Variants in ABR observed in about 807,000 individuals in gnomAD.
ABR encodes the protein active breakpoint cluster region-related protein.
In ABR, 35 loss-of-function variants were observed where a neutral mutation model predicts 107.2. The ratio of observed to expected loss-of-function variants is 0.33; its 90% CI spans 0.25 to 0.43. The LOEUF (loss-of-function observed/expected upper bound fraction) is 0.43, where lower values mean the gene tolerates loss of function less well. ABR is among the 20% of genes least tolerant of loss of function. ABR has a pLI of 1.00. For missense variants in ABR, 815 were observed against 1,115.2 expected (o/e 0.73, Z 3.83); for synonymous variants, 498 against 462.0 (o/e 1.08, Z -1.00).
chr17:1,193,909 T>C (rs980273564), intron 1 of ABR, among the ~76,000 whole-genome samples: 1 of 151,926 alleles, frequency 6.6e-6, no homozygotes, highest in Non-Finnish European at 1.5e-5. Context: ...TTAGCCAGGA[T>C]GGTTTTGATC....
chr17:1,106,424 C>A (rs2038250200), intron 2 of ABR, among the ~76,000 whole-genome samples: 1 of 34,876 alleles, frequency 2.9e-5, no homozygotes, highest in Admixed American at 2.5e-4. Flanking sequence ...CCTTGGCCTG[C>A]ACACACACAC....
chr17:1,106,521 C>T (rs1041600014), intron 2 of ABR, among the ~76,000 whole-genome samples: 1 of 141,974 alleles, frequency 7.0e-6, no homozygotes, highest in Non-Finnish European at 1.5e-5. Flanking sequence ...GTACTCTTCT[C>T]ACAGTCTTTT....
In ABR at chr17:1,004,939, C is replaced by T. The variant is rs1014931492; in HGVS notation, c.*1141G>A. The T allele has an allele frequency of 7.5e-6, 3 of 398,482 alleles. No individual in the cohort carries two copies. The highest frequency in any genetic ancestry group is 3.6e-5 in the East Asian group (1 of 28,082). 24.7% of individuals were successfully genotyped at this position (398,482 alleles called of 1,614,324 possible). A position where few individuals can be genotyped will look rare whatever the true frequency, so the allele number is the denominator to read the frequency against. On this transcript the variant is annotated 3_prime_UTR_variant, in exon 23 of 23. Coordinates refer to ENST00000302538, the MANE Select transcript of ABR (RefSeq NM_021962.5). ...AAGGCAAGAGTACCACGAGGTCCTGCGGTGCCAGGGAGCTCCTGGCTGCAG... is the reference window on the plus strand; with the variant it reads ...AAGGCAAGAGTACCACGAGGTCCTGTGGTGCCAGGGAGCTCCTGGCTGCAG...
In ABR at chr17:1,067,114, A is replaced by G. The variant is rs2151152550; in HGVS notation, c.1145T>C (p.Met382Thr). 1 of 1,613,758 alleles carries G rather than the reference A, an allele frequency of 6.2e-7. No homozygotes were observed. Among genetic ancestry groups the G allele is most frequent in the Non-Finnish European group, 8.5e-7 (1 of 1,179,954 alleles). The change falls in exon 10 of 23, where the codon ATG (methionine) becomes ACG (threonine). Residue 382 changes from methionine (M) to threonine (T), a missense_variant. Met to Thr is a moderately conservative substitution (Grantham distance 81). This residue lies in a region of ABR where 385 missense variants were observed against 596.9 expected (regional missense o/e 0.64). Transcript: ENST00000302538. ...TTCACTCTTGAGGGCAGAGATCTTCATCTTCATGTCCTCCAGCTCATGGTC... is the reference window on the plus strand; with the variant it reads ...TTCACTCTTGAGGGCAGAGATCTTCGTCTTCATGTCCTCCAGCTCATGGTC... ...FPDHELEDMKMKISALKSEIQ... is the reference protein window; with the variant it reads ...FPDHELEDMKTKISALKSEIQ...
chr17:1,199,487 G>A (rs183902723), intron 1 of ABR, among the ~76,000 whole-genome samples: 1 of 96,178 alleles, frequency 1.0e-5, no homozygotes, highest in East Asian at 2.1e-4. Context: ...TAGCTGGTGG[G>A]ATATTTTTGG....
At chr17:1,216,038 G>A (rs998958168) in intron 1 of ABR, among the ~76,000 whole-genome samples, 24 of 149,348 alleles carry the variant, frequency 1.6e-4, no homozygotes, top group Non-Finnish European at 3.4e-4. Context: ...CAAACACTGC[G>A]GAAGGCCGCA....
rs1360578350 is a variant in ABR, at chr17:1,117,560, C to T, written c.246+7623G>A. Among the ~76,000 whole-genome samples, 4 of 16,254 alleles carry T rather than the reference C, an allele frequency of 2.5e-4. 2 individuals carry two copies. The highest frequency in any genetic ancestry group is 9.9e-4 in the African/African-American group (4 of 4,050). The allele number at this position is 16,254 out of a possible 152,430, so 10.7% of individuals were successfully genotyped here. A position where few individuals can be genotyped will look rare whatever the true frequency, so the allele number is the denominator to read the frequency against. On this transcript the variant is annotated intron_variant, in intron 2 of 22. Coordinates refer to ENST00000302538, the MANE Select transcript of ABR (RefSeq NM_021962.5). ...ATCCCTGAACCCGAGTTCCTCCCAGCGTTATCCCTGAGCCCGAGTTCCTCC... is the reference window on the plus strand; with the variant it reads ...ATCCCTGAACCCGAGTTCCTCCCAGTGTTATCCCTGAGCCCGAGTTCCTCC...
intron 1 of ABR, among the ~76,000 whole-genome samples, chr17:1,195,277 A>C (rs78447617): frequency 0.19 from 21,841 of 112,798 alleles, 2,674 homozygotes; most frequent in East Asian, 0.47. Flanking sequence ...ACAGCACTCC[A>C]GCCTGGGCGA....
chr17:1,061,886 G>A (rs532324991), intron 10 of ABR, among the ~76,000 whole-genome samples: 2 of 152,174 alleles, frequency 1.3e-5, no homozygotes, highest in Non-Finnish European at 2.9e-5. Context: ...TGAGGAACAT[G>A]GAACAGAAGA....
chr17:1,141,865 T>A (rs1447534796), intron 1 of ABR, among the ~76,000 whole-genome samples: 1 of 151,772 alleles, frequency 6.6e-6, no homozygotes, highest in Non-Finnish European at 1.5e-5. Flanking sequence ...TTCAAGCAAT[T>A]CTCCTGCCTC....
At chr17:1,033,611 A>T (rs9910794) in intron 16 of ABR, among the ~76,000 whole-genome samples, 3 of 151,972 alleles carry the variant, frequency 2.0e-5, no homozygotes, top group African/African-American at 7.3e-5. Flanking sequence ...ACCGGGCCTC[A>T]GTCTTCACTG....
intron 10 of ABR, among the ~76,000 whole-genome samples, chr17:1,064,965 ACTG>A (rs775824109): frequency 4.1e-5 from 3 of 72,586 alleles, no homozygotes; most frequent in Non-Finnish European, 8.4e-5. Flanking sequence ...TCCTCTAGAC[ACTG>A]CTGTTACGTG....
chr17:1,012,814 G>A lies in ABR; in HGVS notation c.1852-17C>T. The A allele has an allele frequency of 6.4e-7, 1 of 1,554,738 alleles. No individual in the cohort carries two copies. The highest frequency in any genetic ancestry group is 8.7e-7 in the Non-Finnish European group (1 of 1,144,624). On this transcript the variant is annotated splice_polypyrimidine_tract_variant and intron_variant, in intron 17 of 22. Coordinates refer to ENST00000302538, the MANE Select transcript of ABR (RefSeq NM_021962.5). ...CACTTTGATCTGGTTGGGGGGTGAG[G>A]CAGGTAAAGATTCCCCAGGGTGTGA...
intron 10 of ABR, among the ~76,000 whole-genome samples, chr17:1,062,274 C>T (rs1597617709): frequency 4.7e-5 from 7 of 149,560 alleles, no homozygotes; most frequent in Non-Finnish European, 8.9e-5. Context: ...TTCCTCTAGA[C>T]ACTGTTGTTA....
chr17:1,103,455 C>T (rs572586980), intron 2 of ABR, among the ~76,000 whole-genome samples: 1 of 152,304 alleles, frequency 6.6e-6, no homozygotes, highest in African/African-American at 2.4e-5. Flanking sequence ...CAAGGTTTTG[C>T]CTGAGGGTTT....
At chr17:1,086,648 G>A (rs941949461) in intron 4 of ABR, among the ~76,000 whole-genome samples, 2 of 152,016 alleles carry the variant, frequency 1.3e-5, no homozygotes, top group Admixed American at 6.6e-5. Flanking sequence ...CTACAGGCAC[G>A]CACCACCACA....
chr17:1,056,592 C>G (rs935495062), intron 13 of ABR, among the ~76,000 whole-genome samples: 1 of 152,086 alleles, frequency 6.6e-6, no homozygotes. Flanking sequence ...CTGCTCAAAA[C>G]CCCCCCAGAC....
At chr17:1,203,315 C>A (rs1228549630) in intron 1 of ABR, among the ~76,000 whole-genome samples, 2 of 96,196 alleles carry the variant, frequency 2.1e-5, no homozygotes, top group African/African-American at 7.4e-5. Context: ...CTCGTGGGGG[C>A]GGAGTCCATG....
chr17:1,220,485 A>G (rs2043100108), intron 1 of ABR, among the ~76,000 whole-genome samples: 1 of 152,192 alleles, frequency 6.6e-6, no homozygotes, highest in African/African-American at 2.4e-5. Flanking sequence ...ATAACAGGAC[A>G]GACTCACGTG....
Sources: allele counts gnomAD v4.1 joint callset (sites outside exome capture counted in the v4.1 genomes callset), GRCh38; gene constraint gnomAD v4.1.1; regional missense constraint gnomAD v4.1.1; transcripts MANE v1.5; gene names NCBI Gene and HGNC (gene_info 2026-07-23, HGNC 2026-07-21).